The following RAD51B variants were observed in gnomAD, a reference collection of about 807,000 sequenced individuals.
RAD51B encodes the protein DNA repair protein RAD51 homolog 2.
A neutral mutation model predicts 42.2 loss-of-function variants in RAD51B; 38 were observed. The observed-to-expected ratio is 0.90, with a 90% confidence interval of 0.70 to 1.18. The LOEUF (loss-of-function observed/expected upper bound fraction) is 1.18. RAD51B is among the 50% of genes most tolerant of loss of function. The pLI, the probability that RAD51B is intolerant of heterozygous loss-of-function variation, is 0.00. For synonymous variants in RAD51B, 154 were observed against 145.2 expected (o/e 1.06, Z -0.43); for missense variants, 373 against 400.7 (o/e 0.93, Z 0.59).
At position 68,648,112 on chromosome 14, in the gene RAD51B, C is replaced by CGTGT. The variant is rs1555434148; in HGVS notation, c.1037-2667_1037-2666insGTGT. On this transcript the variant is annotated intron_variant, in intron 10 of 11. Transcript: ENST00000488612. ...GTGTGTGTATATATATATACACACA[C>CGTGT]GTATATATATATACACACACGTATA... 2.3e-3 allele frequency among the ~76,000 whole-genome samples: 91 copies of CGTGT among 39,502 alleles called. 5 individuals carry two copies. Among genetic ancestry groups the CGTGT allele is most frequent in the South Asian group, 8.8e-3 (8 of 904 alleles). 25.9% of individuals were successfully genotyped at this position (39,502 alleles called of 152,430 possible).
At chr14:68,356,938 C>G (rs979166638) in intron 8 of RAD51B, among the ~76,000 whole-genome samples, 6 of 146,768 alleles carry the variant, frequency 4.1e-5, no homozygotes, top group African/African-American at 1.2e-4. Flanking sequence ...AGCCGAGATC[C>G]CGCCACTGCA....
chr14:68,645,600 C>T (rs1341969355), intron 10 of RAD51B, among the ~76,000 whole-genome samples: 1 of 152,104 alleles, frequency 6.6e-6, no homozygotes, highest in Non-Finnish European at 1.5e-5. Flanking sequence ...ATGGCTGTAC[C>T]ATTTTAAATT....
intron 7 of RAD51B, among the ~76,000 whole-genome samples, chr14:68,079,695 CAAAA>C (rs1434507569): frequency 2.0e-5 from 3 of 152,120 alleles, no homozygotes; most frequent in African/African-American, 7.2e-5. Flanking sequence ...ACATTAAAGA[CAAAA>C]AGACAAAAGT....
At chr14:68,257,715 A>G (rs1302759425) in intron 7 of RAD51B, among the ~76,000 whole-genome samples, 2 of 152,160 alleles carry the variant, frequency 1.3e-5, no homozygotes, top group Non-Finnish European at 2.9e-5. Flanking sequence ...TAACAGTATT[A>G]TAAAACTCCA....
At chr14:67,908,221 C>A (rs2043843935) in intron 7 of RAD51B, 1 of 152,166 alleles carries the variant, frequency 6.6e-6, no homozygotes, top group Admixed American at 6.6e-5. Context: ...CTAGGTCTGG[C>A]ATAGGCTCAA....
intron 10 of RAD51B, among the ~76,000 whole-genome samples, chr14:68,527,592 C>T (rs964261700): frequency 1.1e-4 from 16 of 152,242 alleles, no homozygotes; most frequent in African/African-American, 3.9e-4. Context: ...GCTCCTTTCA[C>T]TCCATGTGAT....
intron 11 of RAD51B, among the ~76,000 whole-genome samples, chr14:68,673,776 C>T (rs1026327867): frequency 6.6e-6 from 1 of 151,726 alleles, no homozygotes; most frequent in Admixed American, 6.6e-5. Context: ...CACACACGTA[C>T]ACATACACAT....
At chr14:67,886,537 T>C in intron 6 of RAD51B, 1 of 222,258 alleles carries the variant, frequency 4.5e-6, no homozygotes, top group East Asian at 6.5e-5. Context: ...AGCAAGTTGC[T>C]TTCCTCAGAG....
intron 4 of RAD51B, among the ~76,000 whole-genome samples, chr14:67,839,220 T>C (rs1362557118): frequency 6.6e-6 from 1 of 152,162 alleles, no homozygotes; most frequent in Non-Finnish European, 1.5e-5. Flanking sequence ...AATATCTCTT[T>C]TTTTAATATT....
intron 7 of RAD51B, among the ~76,000 whole-genome samples, chr14:68,025,775 T>C (rs987467686): frequency 2.0e-4 from 31 of 152,206 alleles, no homozygotes; most frequent in Admixed American, 1.7e-3. Context: ...TTAATTTAGC[T>C]AGCAGTCTAT....
At chr14:68,198,027 C>T (rs1357364361) in intron 7 of RAD51B, among the ~76,000 whole-genome samples, 3 of 152,044 alleles carry the variant, frequency 2.0e-5, no homozygotes, top group Non-Finnish European at 4.4e-5. Context: ...CTTTGTCAAC[C>T]TCATGGTTGC....
At chr14:68,281,949 A>C (rs1026999420) in intron 7 of RAD51B, among the ~76,000 whole-genome samples, 4 of 151,306 alleles carry the variant, frequency 2.6e-5, no homozygotes, top group Non-Finnish European at 5.9e-5. Flanking sequence ...TTGTGCCTCA[A>C]GTGTGATCTG....
chr14:68,270,178 C>T (rs577477449), intron 7 of RAD51B, among the ~76,000 whole-genome samples: 38 of 152,308 alleles, frequency 2.5e-4, no homozygotes, highest in Non-Finnish European at 4.3e-4. Context: ...CCCTGCGATC[C>T]AGCCCAAAAC....
intron 7 of RAD51B, among the ~76,000 whole-genome samples, chr14:67,894,353 G>A (rs2043334790): frequency 6.6e-6 from 1 of 152,140 alleles, no homozygotes; most frequent in Non-Finnish European, 1.5e-5. Context: ...TCTTACTGGT[G>A]GATGCTGTTA....
chr14:68,443,103 T>C (rs2085340679), intron 9 of RAD51B, among the ~76,000 whole-genome samples: 1 of 152,140 alleles, frequency 6.6e-6, no homozygotes, highest in African/African-American at 2.4e-5. Flanking sequence ...TCAATAACAG[T>C]GAAAGGACTG....
intron 5 of RAD51B, among the ~76,000 whole-genome samples, chr14:67,885,018 G>A (rs998904485): frequency 1.3e-5 from 2 of 152,162 alleles, no homozygotes; most frequent in Non-Finnish European, 2.9e-5. Flanking sequence ...AATATAGGAT[G>A]CTTTTTGAGT....
chr14:68,016,222 G>T (rs1196340462), intron 7 of RAD51B, among the ~76,000 whole-genome samples: 1 of 152,132 alleles, frequency 6.6e-6, no homozygotes, highest in Non-Finnish European at 1.5e-5. Context: ...AACATTGGCA[G>T]TTTGAGAGTA....
At chr14:68,009,137 G>A (rs1005527066) in intron 7 of RAD51B, among the ~76,000 whole-genome samples, 1 of 151,850 alleles carries the variant, frequency 6.6e-6, no homozygotes, top group East Asian at 1.9e-4. Flanking sequence ...TTATATCTAC[G>A]GTGGAAATCA....
At chr14:67,925,288 T>A (rs551055981) in intron 7 of RAD51B, among the ~76,000 whole-genome samples, 1 of 152,118 alleles carries the variant, frequency 6.6e-6, no homozygotes, top group Non-Finnish European at 1.5e-5. Flanking sequence ...TCTTTTTTTT[T>A]TGAGACAGAG....
Sources: gnomAD v4.1 joint callset for allele counts (sites outside exome capture counted in the v4.1 genomes callset) on GRCh38, gnomAD v4.1.1 for gene constraint, MANE v1.5 for transcripts, NCBI Gene and HGNC (gene_info 2026-07-23, HGNC 2026-07-21) for gene names.